The following SLC2A13 variants were observed in gnomAD, a reference collection of about 807,000 sequenced individuals.
SLC2A13 encodes solute carrier family 2 member 13, also known as proton myo-inositol cotransporter.
Under a neutral mutation model 64.4 loss-of-function variants are expected in SLC2A13, and 32 were observed. That is an observed-to-expected ratio of 0.50 (90% CI 0.37 to 0.67). The LOEUF is 0.67. Among genes scored for constraint, SLC2A13 ranks in the 30% least tolerant of loss-of-function variants. SLC2A13 has a pLI of 0.00. For synonymous variants in SLC2A13, 338 were observed against 327.1 expected, an observed-to-expected ratio of 1.03 and a Z score of -0.36; for missense variants, 743 against 829.2, an observed-to-expected ratio of 0.90 and a Z score of 1.28.
chr12:39,900,259 C>T (rs538056321), intron 4 of SLC2A13, among the ~76,000 whole-genome samples: 7,012 of 152,178 alleles, frequency 0.046, 295 homozygotes, highest in Admixed American at 0.13. Context: ...AAACTGGAAG[C>T]ATTCCCTTTG....
intron 7 of SLC2A13, among the ~76,000 whole-genome samples, chr12:39,817,511 T>C (rs922777616): frequency 3.9e-5 from 6 of 152,150 alleles, no homozygotes; most frequent in African/African-American, 1.2e-4. Context: ...AATGAAACTT[T>C]TGCATCATAA....
chr12:39,864,992 A>G, intron 5 of SLC2A13, 110 bp from the exon 6 acceptor site: 3 of 933,898 alleles, frequency 3.2e-6, no homozygotes, highest in Non-Finnish European at 4.6e-6. Flanking sequence ...AAAACTCCTG[A>G]AAAAAAAATA....
At chr12:39,871,770 T>C (rs748092741) in intron 5 of SLC2A13, 28 bp downstream of exon 5, 3 of 1,573,932 alleles carry the variant, frequency 1.9e-6, no homozygotes, top group Non-Finnish European at 2.6e-6. Flanking sequence ...ATAAAGTTTA[T>C]AATTGAATTC....
chr12:39,803,568 A>G (rs533253037), intron 7 of SLC2A13, among the ~76,000 whole-genome samples: 23 of 152,332 alleles, frequency 1.5e-4, no homozygotes, highest in African/African-American at 5.1e-4. Context: ...ATACACACAC[A>G]TACACACACA....
chr12:39,845,062 T>A (rs890291158), intron 6 of SLC2A13, among the ~76,000 whole-genome samples: 1 of 152,042 alleles, frequency 6.6e-6, no homozygotes, highest in African/African-American at 2.4e-5. Flanking sequence ...AGAACTTTTA[T>A]CCAAAACTAA....
At chr12:39,888,206 CTAAGT>C (rs1944517243) in intron 4 of SLC2A13, among the ~76,000 whole-genome samples, 1 of 152,100 alleles carries the variant, frequency 6.6e-6, no homozygotes, top group Non-Finnish European at 1.5e-5. Flanking sequence ...TATAACCATT[CTAAGT>C]TTTTATTTAT....
chr12:40,006,206 A>G (rs1418895853), intron 3 of SLC2A13, among the ~76,000 whole-genome samples: 2 of 152,226 alleles, frequency 1.3e-5, no homozygotes, highest in Non-Finnish European at 2.9e-5. Flanking sequence ...CACTGGGAAA[A>G]CATAAGAATA....
intron 4 of SLC2A13, among the ~76,000 whole-genome samples, chr12:39,913,560 T>C (rs1204041023): frequency 6.7e-6 from 1 of 149,636 alleles, no homozygotes; most frequent in East Asian, 1.9e-4. Context: ...CAAAGAAAGG[T>C]TGATGGAAGA....
chr12:40,012,204 C>G (rs931854702), intron 3 of SLC2A13, among the ~76,000 whole-genome samples: 3 of 152,168 alleles, frequency 2.0e-5, no homozygotes, highest in Non-Finnish European at 4.4e-5. Context: ...CAGAAACCTA[C>G]TAAATTAGAT....
At chr12:39,773,374 G>A (rs974368046) in intron 7 of SLC2A13, among the ~76,000 whole-genome samples, 1 of 152,114 alleles carries the variant, frequency 6.6e-6, no homozygotes, top group African/African-American at 2.4e-5. Flanking sequence ...TAAATAATCG[G>A]TTCCCTGTTC....
At chr12:40,015,854 T>A (rs1478737570) in intron 3 of SLC2A13, among the ~76,000 whole-genome samples, 2 of 152,184 alleles carry the variant, frequency 1.3e-5, no homozygotes, top group Non-Finnish European at 2.9e-5. Context: ...TAAAAGAGTA[T>A]AATATAATAA....
intron 4 of SLC2A13, among the ~76,000 whole-genome samples, chr12:39,890,542 C>A (rs1429451124): frequency 6.6e-6 from 1 of 152,106 alleles, no homozygotes; most frequent in Admixed American, 6.6e-5. Flanking sequence ...AAGACGGAGG[C>A]AGAAGTAAAT....
chr12:39,823,081 TG>T (rs1486088759), intron 7 of SLC2A13, among the ~76,000 whole-genome samples: 14 of 152,352 alleles, frequency 9.2e-5, no homozygotes, highest in African/African-American at 3.4e-4. Flanking sequence ...AAATTATTTA[TG>T]GGTAGATGAA....
intron 1 of SLC2A13, among the ~76,000 whole-genome samples, chr12:40,087,269 G>A (rs1938615743): frequency 6.6e-6 from 1 of 152,184 alleles, no homozygotes; most frequent in East Asian, 1.9e-4. Flanking sequence ...CTACTTTCAA[G>A]AGTGTAACTT....
intron 1 of SLC2A13, among the ~76,000 whole-genome samples, chr12:40,067,997 A>G (rs577553727): frequency 6.6e-6 from 1 of 152,142 alleles, no homozygotes; most frequent in Admixed American, 6.5e-5. Flanking sequence ...TCGATTTCCT[A>G]GACTCAAGAC....
chr12:40,004,328 G>A (rs974459148), intron 3 of SLC2A13, among the ~76,000 whole-genome samples: 1 of 151,988 alleles, frequency 6.6e-6, no homozygotes, highest in Non-Finnish European at 1.5e-5. Context: ...GCGATTACAG[G>A]AATGTGCCAC....
At chr12:39,866,759 G>C (rs1390053332) in intron 5 of SLC2A13, among the ~76,000 whole-genome samples, 1 of 152,172 alleles carries the variant, frequency 6.6e-6, no homozygotes, top group Non-Finnish European at 1.5e-5. Context: ...GATTACAGGC[G>C]TGAGCCACAG....
chr12:40,061,614 C>T (rs1948424394), intron 1 of SLC2A13, among the ~76,000 whole-genome samples: 1 of 152,076 alleles, frequency 6.6e-6, no homozygotes, highest in Non-Finnish European at 1.5e-5. Context: ...AGGTGTTGGA[C>T]ATATGCCAAT....
chr12:40,065,563 C>A (rs1288353648), intron 1 of SLC2A13, among the ~76,000 whole-genome samples: 3 of 151,870 alleles, frequency 2.0e-5, no homozygotes, highest in Admixed American at 6.6e-5. Context: ...CCAGCCTGGG[C>A]AACAGAATGA....
Sources: gnomAD v4.1 joint callset for allele counts (sites outside exome capture counted in the v4.1 genomes callset) on GRCh38, gnomAD v4.1.1 for gene constraint, MANE v1.5 for transcripts, NCBI Gene and HGNC (gene_info 2026-07-23, HGNC 2026-07-21) for gene names.